Variants in RYR1 observed in about 807,000 individuals in gnomAD.
The protein encoded by RYR1 is central core disease of muscle.
A neutral mutation model predicts 583.5 loss-of-function variants in RYR1; 342 were observed. The ratio of observed to expected loss-of-function variants is 0.59; its 90% CI spans 0.54 to 0.64. The LOEUF is 0.64. RYR1 is among the 30% of genes least tolerant of loss of function. The pLI, the probability that RYR1 is intolerant of heterozygous loss-of-function variation, is 0.00. For missense variants in RYR1, 6,032 were observed against 6,917.2 expected (o/e 0.87, Z 4.54); for synonymous variants, 2,791 against 2,822.5 (o/e 0.99, Z 0.35).
chr19:38,444,699 C>G lies in RYR1; in HGVS notation c.631+22C>G, dbSNP rs201046737. The G allele has an allele frequency of 1.3e-6, 2 of 1,553,418 alleles. No individual in the cohort carries two copies. Among genetic ancestry groups the G allele is most frequent in the African/African-American group, 3.0e-5 (2 of 67,016 alleles). ...GAGGGTGAGGGCCCCAGACCTCCCC[C>G]TAAATGGAGATCCCCCCAAAACAGA... On this transcript the variant is annotated intron_variant, in intron 7 of 105. Coordinates refer to ENST00000359596, the MANE Select transcript of RYR1 (RefSeq NM_000540.3). The surrounding 1 kb of genome is among the most constrained non-coding windows in gnomAD (Gnocchi z 5.1).
At chr19:38,516,769 T>C (rs1970990832) in intron 65 of RYR1, among the ~76,000 whole-genome samples, 1 of 152,168 alleles carries the variant, frequency 6.6e-6, no homozygotes, top group African/African-American at 2.4e-5. Context: ...TGAGGCGCTG[T>C]CCTAGTCACC....
chr19:38,535,801 TTGCGCA>T, intron 81 of RYR1, 190 bp from the exon 82 acceptor site: 1 of 658,392 alleles, frequency 1.5e-6, no homozygotes, highest in East Asian at 2.7e-5. Flanking sequence ...TTATTTCAGC[TTGCGCA>T]TGGTTCATCC....
At chr19:38,480,024 C>CTT (rs1471174228) in intron 31 of RYR1, among the ~76,000 whole-genome samples, 1 of 151,448 alleles carries the variant, frequency 6.6e-6, no homozygotes, top group Non-Finnish European at 1.5e-5. Context: ...CTGGCTAAAG[C>CTT]TTTATGTTAA....
chr19:38,493,362 C>T (rs1969643067), intron 38 of RYR1, among the ~76,000 whole-genome samples: 1 of 152,108 alleles, frequency 6.6e-6, no homozygotes, highest in Non-Finnish European at 1.5e-5. Flanking sequence ...GGACAGATTT[C>T]CTGACGTTGG....
chr19:38,577,877 AC>A (rs751570702), intron 97 of RYR1, 40 bp from the exon 98 acceptor site: 1 of 1,612,510 alleles, frequency 6.2e-7, no homozygotes, highest in Admixed American at 1.7e-5. Flanking sequence ...ACACACCCAC[AC>A]TCCAGCTGTG....
intron 3 of RYR1, among the ~76,000 whole-genome samples, chr19:38,442,880 TG>T (rs1972763558): frequency 6.6e-6 from 1 of 152,194 alleles, no homozygotes; most frequent in Non-Finnish European, 1.5e-5. Context: ...CCTCTCCGCA[TG>T]GGACCTCTCC....
chr19:38,489,802 G>A (rs894618710), intron 35 of RYR1, among the ~76,000 whole-genome samples: 1 of 152,080 alleles, frequency 6.6e-6, no homozygotes, highest in African/African-American at 2.4e-5. Flanking sequence ...CTAATTTTTT[G>A]TATTTTTAGT....
At chr19:38,578,245 G>A (rs753860659) in intron 99 of RYR1, 41 bp downstream of exon 99, 2 of 1,603,486 alleles carry the variant, frequency 1.2e-6, no homozygotes, top group Admixed American at 1.7e-5. Flanking sequence ...CTCTGCAGGG[G>A]TGGGGCGTTA....
intron 87 of RYR1, among the ~76,000 whole-genome samples, chr19:38,544,211 C>T (rs1397115928): frequency 6.6e-6 from 1 of 152,168 alleles, no homozygotes; most frequent in Non-Finnish European, 1.5e-5. Context: ...AGTCCTTGGG[C>T]TAGGATGGGG....
rs368013861 is a variant in RYR1 at position 38,499,936 on chromosome 19, C to T, written c.7243C>T (p.Arg2415Trp). 10 of 1,614,032 alleles carry T rather than the reference C, an allele frequency of 6.2e-6. No homozygotes were observed. The highest frequency in any genetic ancestry group is 1.3e-5 in the African/African-American group (1 of 74,922). Residue 2415 changes from arginine to tryptophan, a missense_variant, in exon 45 of 106, where the codon CGG becomes TGG. By Grantham distance (101) the Arg-to-Trp change is moderately radical (BLOSUM62 -3). Transcript: ENST00000359596. This position sits in a 1 kb window ranked among gnomAD's most constrained non-coding sequence, Gnocchi z 7.3. ...HFGEEPPEEN[R>W]VHLGHAIMSF... ...TGGTGAGGAACCGCCTGAAGAAAAC[C>T]GGGTGCACCTGGGACACGCCATCAT...
In RYR1 at chr19:38,506,949, C is replaced by T. The variant is rs376494159; in HGVS notation, c.8813C>T (p.Thr2938Ile). The T allele has an allele frequency of 1.6e-5, 26 of 1,612,514 alleles. No individual in the cohort carries two copies. Among genetic ancestry groups the T allele is most frequent in the Non-Finnish European group, 2.2e-5 (26 of 1,180,020 alleles). The part of the protein sequence containing the change: ...KFLQMNGYAV[T>I]RGLKDMELDS... Reference sequence around the variant, plus strand: ...CTGCAGATGAATGGCTACGCGGTTACAAGGCACGCGGGTTGGGGCTCCCGC... The same window carrying T: ...CTGCAGATGAATGGCTACGCGGTTATAAGGCACGCGGGTTGGGGCTCCCGC... Residue 2938 changes from threonine (T) to isoleucine (I), a missense_variant, in exon 57 of 106, where the codon ACA becomes ATA. Thr to Ile is a moderately conservative substitution (Grantham distance 89). Coordinates refer to ENST00000359596, the MANE Select transcript of RYR1 (RefSeq NM_000540.3).
Position 38,444,061 on chromosome 19 carries a change from G to T in RYR1, c.425-88G>T. The T allele has an allele frequency of 8.6e-7, 1 of 1,158,400 alleles. No individual in the cohort carries two copies. Among genetic ancestry groups the T allele is most frequent in the South Asian group, 1.2e-5 (1 of 81,436 alleles). 71.8% of individuals were successfully genotyped at this position (1,158,400 alleles called of 1,614,324 possible). A position where few individuals can be genotyped will look rare whatever the true frequency, so the allele number is the denominator to read the frequency against. ...TAGGAGAGTTGTGGGCCAAGGGCCC[G>T]GGAGGCCTGGTGGAGGGAGAGCCCT... On this transcript the variant is annotated intron_variant, in intron 5 of 105. Coordinates refer to ENST00000359596, the MANE Select transcript of RYR1 (RefSeq NM_000540.3). This position sits in a 1 kb window ranked among gnomAD's most constrained non-coding sequence, Gnocchi z 5.1.
chr19:38,564,902 C>T (rs890043508), intron 90 of RYR1, 57 bp from the exon 91 acceptor site: 160 of 1,539,864 alleles, frequency 1.0e-4, no homozygotes, highest in Non-Finnish European at 1.3e-4. Context: ...TGCGCTGTCG[C>T]TGCTGTCCGA....
rs755530853 is a variant in RYR1, at chr19:38,527,629, CCTT to C, written c.10687-13_10687-11del. ...GGAAGGGTCCCTCACGCCGGCCACT[CCTT>C]CTTCCTCCCTTCAGGTCGAAGGCTC... On this transcript the variant is annotated splice_polypyrimidine_tract_variant and intron_variant, in intron 72 of 105. Transcript: ENST00000359596. 78 of 1,613,764 alleles carry C rather than the reference CCTT, an allele frequency of 4.8e-5. No individual in the cohort carries two copies. Among genetic ancestry groups the C allele is most frequent in the African/African-American group, 1.1e-4 (8 of 74,938 alleles).
rs752192756 is a variant in RYR1, at chr19:38,566,971, G to C, written c.13498G>C (p.Glu4500Gln). The C allele has an allele frequency of 1.9e-6, 3 of 1,600,606 alleles. No homozygotes were observed. Among genetic ancestry groups the C allele is most frequent in the Non-Finnish European group, 2.6e-6 (3 of 1,173,670 alleles). Residue 4500 changes from glutamate (E) to glutamine (Q), a missense_variant, in exon 92 of 106, where the codon GAG (glutamate) becomes CAG (glutamine). Coordinates refer to ENST00000359596, the MANE Select transcript of RYR1 (RefSeq NM_000540.3). The part of the protein sequence containing the change: ...EPEPEPEPEL[E>Q]PEKADAENGE... ...AGAGCCCGAGCCGGAACCAGAGCTG[G>C]AGCCGGAGAAAGCCGAGTGAGTGGC...
Position 38,433,872 on chromosome 19 carries a change from A to G in RYR1, c.43A>G (p.Thr15Ala), listed in dbSNP as rs775607650. 1 of 1,612,944 alleles carries G rather than the reference A, an allele frequency of 6.2e-7. No individual in the cohort carries two copies. Among genetic ancestry groups the G allele is most frequent in the South Asian group, 1.1e-5 (1 of 91,052 alleles). ...EGEDEVQFLR[T>A]DDEVVLQCSA... is the part of the protein sequence containing the mutation. ...CGAAGACGAGGTCCAGTTCCTGCGG[A>G]CGGTGCGTATCTCTGGGTTAGGGGC... The change falls in exon 1 of 106, where the codon ACG becomes GCG. Residue 15 changes from threonine (T) to alanine (A), a missense_variant and splice_region_variant. Transcript: ENST00000359596.
At position 38,567,119 on chromosome 19, in the gene RYR1, G is replaced by A. The variant is rs1457328913; in HGVS notation, c.13514+132G>A. The A allele has an allele frequency of 6.4e-6, 9 of 1,404,584 alleles. No homozygotes were observed. In the African/African-American group the frequency reaches 8.6e-5, roughly 13 times the overall value. 87.0% of individuals were successfully genotyped at this position (1,404,584 alleles called of 1,614,324 possible). A position where few individuals can be genotyped will look rare whatever the true frequency, so the allele number is the denominator to read the frequency against. ...TCGGCATCACCCAGCCCAGACTCAG[G>A]CACGGAGGAGGGGCTCTGAGTAAAA... is the stretch of plus-strand genomic sequence containing the variant. On this transcript the variant is annotated intron_variant, in intron 92 of 105. Coordinates refer to ENST00000359596, the MANE Select transcript of RYR1 (RefSeq NM_000540.3).
chr19:38,440,858 C>A lies in RYR1; in HGVS notation c.159C>A (p.Asn53Lys). The change falls in exon 2 of 106, where the codon AAC becomes AAA. Residue 53 changes from asparagine to lysine, a missense_variant. Physicochemically the swap from Asn to Lys is moderately conservative, Grantham distance 94. This residue lies in a region of RYR1 where 71 missense variants were observed against 75.3 expected (regional missense o/e 0.94). Transcript: ENST00000359596. ...TGTGCTTCCTGGAGCCCACTAGCAACGCGCAGGTCTGTGCAGGAGGGAGAG... is the reference window on the plus strand; with the variant it reads ...TGTGCTTCCTGGAGCCCACTAGCAAAGCGCAGGTCTGTGCAGGAGGGAGAG... ...NRLCFLEPTS[N>K]AQNVPPDLAI... 2 of 1,611,970 alleles carry A rather than the reference C, an allele frequency of 1.2e-6. No homozygotes were observed. The highest frequency in any genetic ancestry group is 8.5e-7 in the Non-Finnish European group (1 of 1,179,648).
intron 13 of RYR1, 32 bp downstream of exon 13, chr19:38,453,046 G>C: frequency 6.2e-7 from 1 of 1,608,488 alleles, no homozygotes; most frequent in Non-Finnish European, 8.5e-7. Context: ...AGCGGGGCCT[G>C]TGGGCCCAGG....
Sources: allele counts gnomAD v4.1 joint callset (sites outside exome capture counted in the v4.1 genomes callset), GRCh38; gene constraint gnomAD v4.1.1; regional missense constraint gnomAD v4.1.1; non-coding constraint Gnocchi (gnomAD v3.1); transcripts MANE v1.5; gene names NCBI Gene and HGNC (gene_info 2026-07-23, HGNC 2026-07-21).